The following MYO6 variants were observed in gnomAD, a reference collection of about 807,000 sequenced individuals.
MYO6 encodes the protein myosin VI.
In MYO6, 74 loss-of-function variants were observed where a neutral mutation model predicts 178.7. That is an observed-to-expected ratio of 0.41 (90% CI 0.34 to 0.50). The LOEUF is 0.50. Ranked by LOEUF, MYO6 falls within the 20% of genes least tolerant of loss-of-function variation. MYO6 has a pLI of 0.09. For synonymous variants in MYO6, 477 were observed against 504.6 expected, an observed-to-expected ratio of 0.95 and a Z score of 0.73; for missense variants, 1,330 against 1,547.4, an observed-to-expected ratio of 0.86 and a Z score of 2.36.
chr6:75,888,742 C>T (rs1277591328), intron 25 of MYO6, among the ~76,000 whole-genome samples: 2 of 152,074 alleles, frequency 1.3e-5, no homozygotes, highest in Non-Finnish European at 2.9e-5. Flanking sequence ...TTTATGCATA[C>T]ATTTTTACAG....
chr6:75,776,069 G>A (rs1260118291), intron 1 of MYO6, among the ~76,000 whole-genome samples: 2 of 152,072 alleles, frequency 1.3e-5, no homozygotes, highest in African/African-American at 4.8e-5. Flanking sequence ...ACTACTTTAT[G>A]TCAGTACTAT....
intron 22 of MYO6, among the ~76,000 whole-genome samples, 162 bp from the exon 23 acceptor site, chr6:75,881,527 G>A (rs1778026520): frequency 6.6e-6 from 1 of 150,638 alleles, no homozygotes; most frequent in Admixed American, 6.7e-5. Flanking sequence ...ACGTGGCCAA[G>A]TGTGTTTGTG....
intron 1 of MYO6, among the ~76,000 whole-genome samples, chr6:75,787,744 A>ATG (rs1767793883): frequency 8.8e-6 from 1 of 113,900 alleles, no homozygotes; most frequent in African/African-American, 3.2e-5. Context: ...ATATATATAT[A>ATG]TATATATATA....
At chr6:75,802,008 CAATT>C (rs1424951651) in intron 1 of MYO6, among the ~76,000 whole-genome samples, 2 of 151,416 alleles carry the variant, frequency 1.3e-5, no homozygotes, top group African/African-American at 2.4e-5. Flanking sequence ...ATTTGTATGT[CAATT>C]AAGAAAGAAT....
chr6:75,812,680 A>G (rs950934539), intron 1 of MYO6, among the ~76,000 whole-genome samples: 3 of 151,686 alleles, frequency 2.0e-5, no homozygotes, highest in Admixed American at 6.6e-5. Context: ...TAGCTCCCAC[A>G]GATACGTGAG....
chr6:75,801,264 A>G (rs1231022873), intron 1 of MYO6, among the ~76,000 whole-genome samples: 1 of 151,880 alleles, frequency 6.6e-6, no homozygotes, highest in African/African-American at 2.4e-5. Flanking sequence ...CTTCTTCACA[A>G]GGTGCTTCAC....
At chr6:75,859,958 C>T (rs1776067030) in intron 14 of MYO6, among the ~76,000 whole-genome samples, 1 of 152,218 alleles carries the variant, frequency 6.6e-6, no homozygotes, top group Admixed American at 6.5e-5. Flanking sequence ...TCATGCCCGA[C>T]TGTAGCTCCC....
At chr6:75,769,596 T>C (rs1437924595) in intron 1 of MYO6, among the ~76,000 whole-genome samples, 2 of 152,230 alleles carry the variant, frequency 1.3e-5, no homozygotes, top group African/African-American at 2.4e-5. Context: ...CTCCCTCTGC[T>C]GCTCTCAAGA....
At chr6:75,905,662 C>T (rs959976504) in intron 30 of MYO6, among the ~76,000 whole-genome samples, 3 of 152,256 alleles carry the variant, frequency 2.0e-5, no homozygotes, top group Admixed American at 1.3e-4. Context: ...GATGGAAATG[C>T]AGAAATCACC....
Position 75,887,002 on chromosome 6 carries a change from A to G in MYO6, c.2658+8A>G, listed in dbSNP as rs397517048. Reference sequence around the variant, plus strand: ...TTGATGGCCAAAATTAAGGTATGTAATTTCAACCCGAATGACTTTGACTTT... The same window carrying G: ...TTGATGGCCAAAATTAAGGTATGTAGTTTCAACCCGAATGACTTTGACTTT... On this transcript the variant is annotated splice_region_variant and intron_variant, in intron 25 of 34. Coordinates refer to ENST00000369977, the MANE Select transcript of MYO6 (RefSeq NM_004999.4). 23 of 1,610,062 alleles carry G rather than the reference A, an allele frequency of 1.4e-5. No individual in the cohort carries two copies. The highest frequency in any genetic ancestry group is 3.3e-4 in the Middle Eastern group (2 of 6,048).
At chr6:75,846,745 T>G (rs1429837838) in intron 10 of MYO6, among the ~76,000 whole-genome samples, 1 of 152,060 alleles carries the variant, frequency 6.6e-6, no homozygotes, top group African/African-American at 2.4e-5. Context: ...GGGAAAAAGA[T>G]ATAAATTTGA....
chr6:75,830,859 T>G (rs1773007048), intron 5 of MYO6, among the ~76,000 whole-genome samples: 1 of 152,168 alleles, frequency 6.6e-6, no homozygotes, highest in South Asian at 2.1e-4. Context: ...ACTTTTAGAC[T>G]TTTTAATACC....
intron 29 of MYO6, among the ~76,000 whole-genome samples, chr6:75,897,216 A>C (rs1779371168): frequency 6.6e-6 from 1 of 152,244 alleles, no homozygotes; most frequent in South Asian, 2.1e-4. Flanking sequence ...TCCTGAGACA[A>C]AAACCTTGAG....
chr6:75,802,405 G>C (rs1301651144), intron 1 of MYO6, among the ~76,000 whole-genome samples: 1 of 151,654 alleles, frequency 6.6e-6, no homozygotes, highest in Non-Finnish European at 1.5e-5. Flanking sequence ...GGAGGTGAAG[G>C]TTGCAGTGAC....
At chr6:75,874,428 G>C (rs538975657) in intron 20 of MYO6, among the ~76,000 whole-genome samples, 32 of 152,300 alleles carry the variant, frequency 2.1e-4, no homozygotes, top group African/African-American at 6.7e-4. Context: ...AGACTGGTCA[G>C]ACCCATCCTG....
intron 30 of MYO6, 86 bp downstream of exon 30, chr6:75,898,497 T>C: frequency 9.2e-7 from 1 of 1,081,820 alleles, no homozygotes; most frequent in Non-Finnish European, 1.4e-6. Flanking sequence ...CCAGAACCTG[T>C]TACATGAGTA....
intron 7 of MYO6, among the ~76,000 whole-genome samples, chr6:75,837,840 G>A (rs896723434): frequency 1.2e-4 from 19 of 152,010 alleles, no homozygotes; most frequent in African/African-American, 2.9e-4. Flanking sequence ...CGAGGGAGTC[G>A]TTCTTAAAAA....
At position 75,787,765 on chromosome 6, in the gene MYO6, T is replaced by TGTA. The variant is rs1562158930; in HGVS notation, c.-47-29736_-47-29735insGTA. Among the ~76,000 whole-genome samples the TGTA allele has an allele frequency of 2.5e-4, 26 of 105,588 alleles. 1 individual carries two copies. The highest frequency in any genetic ancestry group is 9.7e-4 in the African/African-American group (22 of 22,732). The allele number at this position is 105,588 out of a possible 152,430, so 69.3% of individuals were successfully genotyped here. On this transcript the variant is annotated intron_variant, in intron 1 of 34. Transcript: ENST00000369977. The stretch of plus-strand genomic sequence containing the variant: ...ATATATATATATATATATATATGTA[T>TGTA]TTTTTTTTTTTTTTGAGACAGTCTT...
chr6:75,766,077 C>G (rs1051457748), intron 1 of MYO6, among the ~76,000 whole-genome samples: 1 of 152,176 alleles, frequency 6.6e-6, no homozygotes, highest in African/African-American at 2.4e-5. Flanking sequence ...AATCCCAGCA[C>G]TTTTGAAGGC....
Sources: gnomAD v4.1 joint callset for allele counts (sites outside exome capture counted in the v4.1 genomes callset) on GRCh38, gnomAD v4.1.1 for gene constraint, MANE v1.5 for transcripts, NCBI Gene and HGNC (gene_info 2026-07-23, HGNC 2026-07-21) for gene names.